ZNF208: variants seen among roughly 807,000 people sequenced by gnomAD.
ZNF208 encodes the protein zinc finger protein 95.
Under a neutral mutation model 12.1 loss-of-function variants are expected in ZNF208, and 10 were observed. The observed-to-expected ratio is 0.83, with a 90% CI of 0.51 to 1.40. The LOEUF (loss-of-function observed/expected upper bound fraction) is 1.40. ZNF208 is among the 40% of genes most tolerant of loss of function. The pLI, the probability that ZNF208 is intolerant of heterozygous loss-of-function variation, is 0.00. For missense variants in ZNF208, 1,652 were observed against 1,485.0 expected, an observed-to-expected ratio of 1.11 and a Z score of -1.85; for synonymous variants, 497 against 488.4, an observed-to-expected ratio of 1.02 and a Z score of -0.23.
chr19:21,951,279 T>A (rs1969883637), intron 4 of ZNF208, among the ~76,000 whole-genome samples: 1 of 152,186 alleles, frequency 6.6e-6, no homozygotes, highest in South Asian at 2.1e-4. Context: ...TAAAACCACT[T>A]ACCAGGTTTT....
downstream of ZNF208, among the ~76,000 whole-genome samples, chr19:21,961,237 C>T (rs965113477): frequency 1.1e-4 from 17 of 152,080 alleles, no homozygotes; most frequent in African/African-American, 4.1e-4. Context: ...CATCACATGT[C>T]GGTAGGACTG....
rs767333345 is a variant in ZNF208 at position 21,971,421 on chromosome 19, C to T, written c.3613G>A (p.Ala1205Thr). The change falls in exon 4 of 4, where the codon GCC (alanine) becomes ACC (threonine). Residue 1205 changes from alanine (A) to threonine (T), a missense_variant. Physicochemically the swap from Ala to Thr is moderately conservative, Grantham distance 58. Transcript: ENST00000397126. Reference sequence around the variant, plus strand: ...CTAAGGGTTGAGGGCCACTTATAGGCTTTGCCACATTCTTCACATTTGTAG... The same window carrying T: ...CTAAGGGTTGAGGGCCACTTATAGGTTTTGCCACATTCTTCACATTTGTAG... ...KLYKCEECGK[A>T]YKWPSTLRYH... 6.2e-7 allele frequency: 1 copy of T among 1,609,692 alleles called. No individual in the cohort carries two copies. Among genetic ancestry groups the T allele is most frequent in the Non-Finnish European group, 8.5e-7 (1 of 1,179,310 alleles).
At chr19:21,957,388 T>G (rs890649356) in intron 4 of ZNF208, among the ~76,000 whole-genome samples, 12 of 152,192 alleles carry the variant, frequency 7.9e-5, no homozygotes, top group African/African-American at 2.9e-4. Context: ...ACGCTAGTTC[T>G]TTTACCAAGG....
chr19:22,002,888 C>T (rs183782152), intron 1 of ZNF208, among the ~76,000 whole-genome samples: 4 of 152,170 alleles, frequency 2.6e-5, no homozygotes, highest in African/African-American at 7.2e-5. Context: ...CCTGAATAGC[C>T]AAGGCAATCA....
intron 1 of ZNF208, among the ~76,000 whole-genome samples, chr19:21,996,810 G>A (rs1281308558): frequency 2.6e-5 from 4 of 152,136 alleles, no homozygotes; most frequent in Non-Finnish European, 4.4e-5. Flanking sequence ...CATTGAAAGA[G>A]GTAAAATGGT....
At chr19:22,009,614 G>C (rs1318303651) in intron 1 of ZNF208, 1 of 152,124 alleles carries the variant, frequency 6.6e-6, no homozygotes, top group East Asian at 1.9e-4. Context: ...GGGCATGGTG[G>C]TGCATGCCTG....
Position 21,970,617 on chromosome 19 carries a change from AC to A in ZNF208, c.*573del. 1 of 893,696 alleles carries A rather than the reference AC, an allele frequency of 1.1e-6. No individual in the cohort carries two copies. The highest frequency in any genetic ancestry group is 1.8e-6 in the Non-Finnish European group (1 of 561,514). 55.4% of individuals were successfully genotyped at this position (893,696 alleles called of 1,614,324 possible). ...ATTCTTCACATTTGTAGGGCTTCTC[AC>A]CAGTATGAATTCTCTTATGTTCCAT... On this transcript the variant is annotated 3_prime_UTR_variant, in exon 4 of 4. Coordinates refer to ENST00000397126, the MANE Select transcript of ZNF208 (RefSeq NM_007153.3).
Position 21,971,958 on chromosome 19 carries a change from C to T in ZNF208, c.3076G>A (p.Glu1026Lys). The T allele has an allele frequency of 6.3e-7, 1 of 1,576,468 alleles. No individual in the cohort carries two copies. Residue 1026 changes from glutamate to lysine, a missense_variant, in exon 4 of 4, where the codon GAG (glutamate) becomes AAG (lysine). Physicochemically the swap from Glu to Lys is moderately conservative, Grantham distance 56. Coordinates refer to ENST00000397126, the MANE Select transcript of ZNF208 (RefSeq NM_007153.3). ...LMEHKKIHTG[E>K]TPYKCEECDK... ...CATTCTTCACATTTGTAGGGTGTCT[C>T]TCCAGTGTGAATTTTCTTATGTTCC...
chr19:21,986,450 T>C (rs549183109), intron 3 of ZNF208, among the ~76,000 whole-genome samples: 2 of 152,234 alleles, frequency 1.3e-5, no homozygotes, highest in African/African-American at 2.4e-5. Context: ...CAAATTTAAC[T>C]GAGGAGTTGA....
Position 21,969,136 on chromosome 19 carries a change from A to C in ZNF208, c.*2055T>G, listed in dbSNP as rs987216834. 2.0e-5 allele frequency among the ~76,000 whole-genome samples: 3 copies of C among 152,060 alleles called. No homozygotes were observed. The highest frequency in any genetic ancestry group is 1.9e-4 in the East Asian group (1 of 5,186). Reference sequence around the variant, plus strand: ...AAGCTAGACCTTGGCTAATTTCTTTATTTCTTTTTAGTAAACATGTTTAGT... The same window carrying C: ...AAGCTAGACCTTGGCTAATTTCTTTCTTTCTTTTTAGTAAACATGTTTAGT... On this transcript the variant is annotated 3_prime_UTR_variant, in exon 4 of 4. Transcript: ENST00000397126.
intron 4 of ZNF208, among the ~76,000 whole-genome samples, chr19:21,950,646 A>T (rs1259617661): frequency 1.3e-5 from 2 of 152,116 alleles, no homozygotes; most frequent in Admixed American, 6.5e-5. Context: ...GGCATCTGCC[A>T]CCACACCCAG....
chr19:21,992,719 G>A (rs1316358264), intron 1 of ZNF208, among the ~76,000 whole-genome samples: 1 of 152,150 alleles, frequency 6.6e-6, no homozygotes, highest in Non-Finnish European at 1.5e-5. Context: ...GCATGGCATA[G>A]AAGAAGCCGT....
intron 1 of ZNF208, among the ~76,000 whole-genome samples, chr19:22,005,154 C>A (rs1324347100): frequency 6.6e-6 from 1 of 151,890 alleles, no homozygotes; most frequent in Non-Finnish European, 1.5e-5. Context: ...TGGTTTTTGG[C>A]CAAAAAAACC....
chr19:21,984,238 AC>A (rs1294859175), intron 3 of ZNF208, among the ~76,000 whole-genome samples: 1 of 152,176 alleles, frequency 6.6e-6, no homozygotes, highest in East Asian at 1.9e-4. Flanking sequence ...CCAGTATACA[AC>A]AAAAATAGAA....
intron 1 of ZNF208, among the ~76,000 whole-genome samples, chr19:22,004,969 G>C (rs1971020199): frequency 6.6e-6 from 1 of 152,168 alleles, no homozygotes; most frequent in Non-Finnish European, 1.5e-5. Context: ...AATGCAGGTG[G>C]AAGGACTGGT....
chr19:21,951,805 G>A (rs1969892884), intron 4 of ZNF208, among the ~76,000 whole-genome samples: 2 of 152,216 alleles, frequency 1.3e-5, no homozygotes, highest in South Asian at 4.1e-4. Context: ...GATGGACAGT[G>A]GGTTCAGCCC....
Position 21,971,953 on chromosome 19 carries a change from T to A in ZNF208, c.3081A>T (p.Thr1027=), listed in dbSNP as rs913941517. The A allele has an allele frequency of 6.3e-7, 1 of 1,576,368 alleles. No individual in the cohort carries two copies. Among genetic ancestry groups the A allele is most frequent in the Non-Finnish European group, 8.6e-7 (1 of 1,156,482 alleles). Residue 1027 remains threonine, a synonymous_variant, in exon 4 of 4, where the codon ACA becomes ACT. Coordinates refer to ENST00000397126, the MANE Select transcript of ZNF208 (RefSeq NM_007153.3). ...MEHKKIHTGE[T]PYKCEECDKA... is the part of the protein sequence containing the mutation. The stretch of plus-strand genomic sequence containing the variant: ...TGTCACATTCTTCACATTTGTAGGG[T>A]GTCTCTCCAGTGTGAATTTTCTTAT...
Position 21,967,309 on chromosome 19 carries a change from C to T in ZNF208, c.*3882G>A, listed in dbSNP as rs1970189851. The T allele has an allele frequency of 6.6e-6, 1 of 151,762 alleles. No individual in the cohort carries two copies. Among genetic ancestry groups the T allele is most frequent in the South Asian group, 2.1e-4 (1 of 4,790 alleles). 9.4% of individuals were successfully genotyped at this position (151,762 alleles called of 1,614,324 possible). ...TTACTTACTAAATAGGGAGTTAATT[C>T]CCCTTTTGTTTATTTCTGTTGGCTT... On this transcript the variant is annotated 3_prime_UTR_variant, in exon 4 of 4. Transcript: ENST00000397126.
At chr19:21,950,338 CA>C (rs1297476959) in intron 4 of ZNF208, among the ~76,000 whole-genome samples, 1 of 151,962 alleles carries the variant, frequency 6.6e-6, no homozygotes, top group African/African-American at 2.4e-5. Context: ...CTCAAGAAAA[CA>C]AAAAAGCCAC....
Sources: gnomAD v4.1 joint callset for allele counts (sites outside exome capture counted in the v4.1 genomes callset) on GRCh38, gnomAD v4.1.1 for gene constraint, MANE v1.5 for transcripts, NCBI Gene and HGNC (gene_info 2026-07-23, HGNC 2026-07-21) for gene names.